The following BEND3 variants were observed in gnomAD, a reference collection of about 807,000 sequenced individuals.
BEND3 encodes the protein BEN domain containing 3.
BEND3 carries 13 observed loss-of-function variants against 60.1 expected under a neutral mutation model. The observed-to-expected ratio is 0.22, with a 90% confidence interval of 0.14 to 0.34. The LOEUF (loss-of-function observed/expected upper bound fraction) is 0.34. Among genes scored for constraint, BEND3 ranks in the 10% least tolerant of loss-of-function variants. The probability of loss-of-function intolerance (pLI) is 1.00; values close to 1 mark genes in which losing one functional copy is unlikely to be tolerated. For synonymous variants in BEND3, 497 were observed against 491.5 expected, an observed-to-expected ratio of 1.01 and a Z score of -0.15; for missense variants, 896 against 1,138.1, an observed-to-expected ratio of 0.79 and a Z score of 3.06.
chr6:107,068,739 C>A lies in BEND3; in HGVS notation c.2452G>T (p.Asp818Tyr). 6.2e-7 allele frequency: 1 copy of A among 1,613,794 alleles called. No individual in the cohort carries two copies. The highest frequency in any genetic ancestry group is 8.5e-7 in the Non-Finnish European group (1 of 1,179,994). The change falls in exon 4 of 4, where the codon GAC becomes TAC. Residue 818 changes from aspartate (D) to tyrosine (Y), a missense_variant. Asp to Tyr is a radical substitution (Grantham distance 160, BLOSUM62 -3). Transcript: ENST00000369042. This position sits in a 1 kb window ranked among gnomAD's most constrained non-coding sequence, Gnocchi z 5.8. Reference protein sequence around the residue: ...RCRRPNRKKCDILKKAKKVEK With the variant: ...RCRRPNRKKCYILKKAKKVEK ...ACTTTCTTTGCTTTCTTGAGGATGTCGCATTTTTTCCTGTTGGGGCGGCGG... is the reference window on the plus strand; with the variant it reads ...ACTTTCTTTGCTTTCTTGAGGATGTAGCATTTTTTCCTGTTGGGGCGGCGG...
intron 1 of BEND3, 125 bp from the exon 2 acceptor site, chr6:107,099,421 G>A (rs1554236503): frequency 3.9e-6 from 3 of 773,434 alleles, no homozygotes; most frequent in Admixed American, 2.5e-5. Flanking sequence ...GCACAGCACT[G>A]TGGAAGCTAT....
rs369499428 is a variant in BEND3 at position 107,075,044 on chromosome 6, T to C, written c.241-4094A>G. On this transcript the variant is annotated intron_variant, in intron 3 of 3. Transcript: ENST00000369042. ...TGAACCCGGGAGGCGGAGGTGGCAGTGAGTGCCACTGCACTCCAGCCTGGG... is the reference window on the plus strand; with the variant it reads ...TGAACCCGGGAGGCGGAGGTGGCAGCGAGTGCCACTGCACTCCAGCCTGGG... 9.9e-5 allele frequency among the ~76,000 whole-genome samples: 15 copies of C among 151,002 alleles called. 1 individual carries two copies. The South Asian group carries it at 2.9e-3, about 30-fold the overall frequency.
intron 1 of BEND3, among the ~76,000 whole-genome samples, chr6:107,114,620 C>A (rs1770219150): frequency 6.7e-6 from 1 of 149,938 alleles, no homozygotes; most frequent in Non-Finnish European, 1.5e-5. Context: ...CCCGCCAAAG[C>A]CCCGCCGAGC....
At chr6:107,087,084 C>CACT (rs1775367608) in intron 3 of BEND3, among the ~76,000 whole-genome samples, 1 of 151,382 alleles carries the variant, frequency 6.6e-6, no homozygotes, top group Admixed American at 6.6e-5. Context: ...GTAATCCCAG[C>CACT]ACTTTCAGAG....
Position 107,090,974 on chromosome 6 carries a change from G to T in BEND3, c.240+7577C>A, listed in dbSNP as rs568068371. On this transcript the variant is annotated intron_variant, in intron 3 of 3. Transcript: ENST00000369042. ...AAAATACAAAAATTAGCCGAGCATG[G>T]TCGTGGGCACCTATAATCCCAGCTA... 6.6e-5 allele frequency among the ~76,000 whole-genome samples: 10 copies of T among 152,072 alleles called. No individual in the cohort carries two copies. The South Asian group carries it at 2.1e-3, about 32-fold the overall frequency.
intron 1 of BEND3, among the ~76,000 whole-genome samples, chr6:107,105,377 GAA>G (rs35131970): frequency 7.6e-4 from 91 of 120,394 alleles, no homozygotes; most frequent in African/African-American, 1.0e-3. Context: ...TCTCAAAAAA[GAA>G]AAAAAAAAAA....
At chr6:107,098,483 G>A in intron 3 of BEND3, 68 bp downstream of exon 3, 1 of 1,530,412 alleles carries the variant, frequency 6.5e-7, no homozygotes, top group Non-Finnish European at 8.9e-7. Flanking sequence ...CAAAACAAGA[G>A]GGAGATTCAG....
chr6:107,097,335 C>G (rs1384872315), intron 3 of BEND3, among the ~76,000 whole-genome samples: 1 of 151,348 alleles, frequency 6.6e-6, no homozygotes, highest in African/African-American at 2.4e-5. Context: ...CCATTGCACT[C>G]CAGCCTGGGC....
chr6:107,104,156 G>A (rs1775763914), intron 1 of BEND3, among the ~76,000 whole-genome samples: 1 of 151,780 alleles, frequency 6.6e-6, no homozygotes, highest in Non-Finnish European at 1.5e-5. Flanking sequence ...CAGGCGTGGT[G>A]GCGGGCGCCC....
At chr6:107,083,573 G>A (rs1775276465) in intron 3 of BEND3, among the ~76,000 whole-genome samples, 2 of 151,874 alleles carry the variant, frequency 1.3e-5, no homozygotes, top group Non-Finnish European at 2.9e-5. Flanking sequence ...GGGGGTTGAG[G>A]CTGCAGTGAG....
intron 1 of BEND3, among the ~76,000 whole-genome samples, chr6:107,107,332 A>ACCT (rs1554237669): frequency 6.6e-6 from 1 of 151,574 alleles, no homozygotes; most frequent in African/African-American, 2.4e-5. Flanking sequence ...TAGGAGCTGG[A>ACCT]CACATCTACC....
At chr6:107,107,846 T>C (rs1775851771) in intron 1 of BEND3, among the ~76,000 whole-genome samples, 1 of 152,216 alleles carries the variant, frequency 6.6e-6, no homozygotes, top group Non-Finnish European at 1.5e-5. Flanking sequence ...GTAACTTTTC[T>C]TTCCAATGAA....
intron 1 of BEND3, among the ~76,000 whole-genome samples, chr6:107,108,268 T>G (rs1554237819): frequency 6.6e-6 from 1 of 152,208 alleles, no homozygotes; most frequent in Non-Finnish European, 1.5e-5. Flanking sequence ...TTTGGTCACT[T>G]GCGTCTTCTG....
At position 107,069,626 on chromosome 6, in the gene BEND3, G is replaced by T; in HGVS notation, c.1565C>A (p.Pro522Gln). ...CCAGATCTTCTTGGAGCGGCGACCC[G>T]GCCGCTCGCCCTCGAAGCTGTCCTC... is the stretch of plus-strand genomic sequence containing the variant. The part of the protein sequence containing the change: ...KVEDSFEGER[P>Q]GRRSKKIWLV... The change falls in exon 4 of 4, where the codon CCG becomes CAG. Residue 522 changes from proline (P) to glutamine (Q), a missense_variant. Physicochemically the swap from Pro to Gln is moderately conservative, Grantham distance 76. This residue lies in a region of BEND3 where 846 missense variants were observed against 1,036.7 expected (regional missense o/e 0.82). Transcript: ENST00000369042. 6.2e-7 allele frequency: 1 copy of T among 1,611,160 alleles called. No homozygotes were observed.
At chr6:107,071,039 A>C in intron 3 of BEND3, 89 bp from the exon 4 acceptor site, 3 of 1,287,788 alleles carry the variant, frequency 2.3e-6, no homozygotes, top group South Asian at 3.0e-5. Context: ...ACAGAGGCCG[A>C]GGTCAACCTT....
chr6:107,086,805 T>A (rs1775358206), intron 3 of BEND3, among the ~76,000 whole-genome samples: 1 of 150,362 alleles, frequency 6.7e-6, no homozygotes, highest in Non-Finnish European at 1.5e-5. Flanking sequence ...GGTGGGCGGA[T>A]CACAAGGTCA....
At chr6:107,092,031 C>T (rs1235815850) in intron 3 of BEND3, among the ~76,000 whole-genome samples, 1 of 151,984 alleles carries the variant, frequency 6.6e-6, no homozygotes, top group African/African-American at 2.4e-5. Flanking sequence ...CAGAGGTGGG[C>T]GGACTGCCTG....
chr6:107,088,388 A>G (rs1435821271), intron 3 of BEND3, among the ~76,000 whole-genome samples: 3 of 152,194 alleles, frequency 2.0e-5, no homozygotes, highest in African/African-American at 7.2e-5. Flanking sequence ...AATACATGGA[A>G]AGAGAAAAAG....
chr6:107,110,262 T>G (rs1276751190), intron 1 of BEND3, among the ~76,000 whole-genome samples: 2 of 152,152 alleles, frequency 1.3e-5, no homozygotes, highest in Admixed American at 6.6e-5. Context: ...CATACAAAAT[T>G]CACAGACTAA....
Sources: allele counts gnomAD v4.1 joint callset (sites outside exome capture counted in the v4.1 genomes callset), GRCh38; gene constraint gnomAD v4.1.1; regional missense constraint gnomAD v4.1.1; non-coding constraint Gnocchi (gnomAD v3.1); transcripts MANE v1.5; gene names NCBI Gene and HGNC (gene_info 2026-07-23, HGNC 2026-07-21).